Variants in GPC4 observed in about 807,000 individuals in gnomAD.
GPC4 encodes the protein glypican 4, also known as glypican-4.
Under a neutral mutation model 35.0 loss-of-function variants are expected in GPC4, and 10 were observed. The ratio of observed to expected loss-of-function variants is 0.29; its 90% CI spans 0.18 to 0.48. GPC4 has a LOEUF of 0.48. GPC4 is among the 20% of genes least tolerant of loss of function. The pLI, the probability that GPC4 is intolerant of heterozygous loss-of-function variation, is 0.99. For missense variants in GPC4, 322 were observed against 451.3 expected (o/e 0.71, Z 2.60); for synonymous variants, 167 against 170.2 (o/e 0.98, Z 0.15).
chrX:133,334,564 CTAG>C (rs2068434178), intron 2 of GPC4, among the ~76,000 whole-genome samples: 1 of 111,390 alleles, frequency 9.0e-6, no homozygotes, highest in Admixed American at 9.5e-5. Flanking sequence ...AGCAGCTGGT[CTAG>C]TCACATGTTT....
intron 1 of GPC4, among the ~76,000 whole-genome samples, chrX:133,361,356 T>A (rs1369828255): frequency 1.8e-5 from 2 of 112,202 alleles, no homozygotes; most frequent in Non-Finnish European, 3.8e-5. Context: ...AGCTGGTTCA[T>A]ATTACTAAAA....
intron 1 of GPC4, among the ~76,000 whole-genome samples, chrX:133,357,306 C>T (rs769397436): frequency 6.5e-5 from 7 of 107,513 alleles, no homozygotes; most frequent in African/African-American, 1.7e-4. Context: ...ATTGCCTGAG[C>T]CTGGGAGGTG....
At chrX:133,404,526 A>G (rs111878433) in intron 1 of GPC4, among the ~76,000 whole-genome samples, 32,237 of 89,821 alleles carry the variant, frequency 0.36, 6,573 homozygotes, top group African/African-American at 0.6. Context: ...CAGCCTGGGC[A>G]ATAGAGCAAG....
rs373647721 is a variant in GPC4 at position 133,361,699 on chromosome X, T to C, written c.161-22358A>G. 1.1e-4 allele frequency among the ~76,000 whole-genome samples: 12 copies of C among 111,706 alleles called. No individual in the cohort carries two copies. The East Asian group carries it at 2.8e-3, about 26-fold the overall frequency. The stretch of plus-strand genomic sequence containing the variant: ...AAATGTGTAAAGTGCTCCAGGGAAA[T>C]GAAATGATACAAAACCTGGGTAACC... On this transcript the variant is annotated intron_variant, in intron 1 of 8. Transcript: ENST00000370828.
At chrX:133,393,973 T>C (rs756478469) in intron 1 of GPC4, among the ~76,000 whole-genome samples, 2 of 111,463 alleles carry the variant, frequency 1.8e-5, no homozygotes, top group South Asian at 7.6e-4. Flanking sequence ...ATTTAAGCCA[T>C]ATAAAAACAT....
At chrX:133,362,942 G>A (rs940088438) in intron 1 of GPC4, among the ~76,000 whole-genome samples, 5 of 111,363 alleles carry the variant, frequency 4.5e-5, no homozygotes, top group African/African-American at 1.3e-4. Context: ...CCAGGCTGAC[G>A]GTAGAATGGG....
At chrX:133,339,802 G>A (rs2068458596) in intron 1 of GPC4, among the ~76,000 whole-genome samples, 1 of 111,701 alleles carries the variant, frequency 9.0e-6, no homozygotes, top group South Asian at 3.8e-4. Flanking sequence ...GCAAATACAT[G>A]TGCAATAGTT....
chrX:133,357,746 C>T (rs918478022), intron 1 of GPC4, among the ~76,000 whole-genome samples: 2 of 111,100 alleles, frequency 1.8e-5, no homozygotes, highest in Admixed American at 9.6e-5. Flanking sequence ...GAGACTAGTT[C>T]ATCTTCTGTA....
chrX:133,378,403 T>TA (rs953126725), intron 1 of GPC4, among the ~76,000 whole-genome samples: 3 of 107,525 alleles, frequency 2.8e-5, no homozygotes, highest in African/African-American at 6.8e-5. Flanking sequence ...CCATCTCTAC[T>TA]AAAAAAATAC....
chrX:133,377,889 C>A lies in GPC4; in HGVS notation c.160+36917G>T, dbSNP rs200690401. Reference sequence around the variant, plus strand: ...TACTTTTCTTTTTCTTTTTTTTTTTCTTTTTTTTTTTTTTTTTGCTTTTGA... The same window carrying A: ...TACTTTTCTTTTTCTTTTTTTTTTTATTTTTTTTTTTTTTTTTGCTTTTGA... On this transcript the variant is annotated intron_variant, in intron 1 of 8. Coordinates refer to ENST00000370828, the MANE Select transcript of GPC4 (RefSeq NM_001448.3). Among the ~76,000 whole-genome samples the A allele has an allele frequency of 1.1e-4, 8 of 72,767 alleles. No individual in the cohort carries two copies. The South Asian group carries it at 5.6e-3, about 51-fold the overall frequency. The allele number at this position is 72,767 out of a possible 115,157, so 63.2% of individuals were successfully genotyped here.
chrX:133,356,540 T>C (rs1348395206), intron 1 of GPC4, among the ~76,000 whole-genome samples: 2 of 111,504 alleles, frequency 1.8e-5, no homozygotes, highest in African/African-American at 6.5e-5. Context: ...CCACCACACC[T>C]GGCAGTGAAT....
chrX:133,358,662 T>C (rs995643473), intron 1 of GPC4, among the ~76,000 whole-genome samples: 1 of 112,078 alleles, frequency 8.9e-6, no homozygotes, highest in African/African-American at 3.2e-5. Context: ...AGAACAAAGA[T>C]GGAAATGACA....
At chrX:133,354,649 A>C (rs1387393888) in intron 1 of GPC4, among the ~76,000 whole-genome samples, 1 of 106,624 alleles carries the variant, frequency 9.4e-6, no homozygotes, top group Non-Finnish European at 1.9e-5. Flanking sequence ...GCTCACTGCA[A>C]GCTCCGCTTC....
intron 1 of GPC4, among the ~76,000 whole-genome samples, chrX:133,382,816 T>C (rs1427741634): frequency 8.9e-6 from 1 of 112,765 alleles, no homozygotes; most frequent in Non-Finnish European, 1.9e-5. Context: ...ACATGGTAAA[T>C]AAGCATGTGA....
intron 4 of GPC4, 26 bp downstream of exon 4, chrX:133,311,232 C>T: frequency 8.4e-7 from 1 of 1,197,602 alleles, no homozygotes; most frequent in Non-Finnish European, 1.1e-6. Flanking sequence ...TCTCCAGCAA[C>T]ACAAATATGT....
intron 1 of GPC4, among the ~76,000 whole-genome samples, chrX:133,405,201 C>T (rs1315439279): frequency 1.9e-5 from 2 of 107,029 alleles, no homozygotes; most frequent in Admixed American, 1.0e-4. Context: ...CTCCACCTCC[C>T]GGGTTCAACT....
At chrX:133,369,021 C>T (rs1012286003) in intron 1 of GPC4, among the ~76,000 whole-genome samples, 2 of 111,554 alleles carry the variant, frequency 1.8e-5, no homozygotes, top group African/African-American at 6.5e-5. Flanking sequence ...CTACTTTAAA[C>T]GTAAGAATCA....
Position 133,415,205 on chromosome X carries a change from G to A in GPC4, c.-240C>T, listed in dbSNP as rs2068833372. ...CGGGCCAGGGGAGAAGGAGGGCGTG[G>A]AGGCGGCGCGCGGCCCAGGGAAGCA... On this transcript the variant is annotated 5_prime_UTR_variant, in exon 1 of 9. Coordinates refer to ENST00000370828, the MANE Select transcript of GPC4 (RefSeq NM_001448.3). 1 of 377,115 alleles carries A rather than the reference G, an allele frequency of 2.7e-6. No homozygotes were observed. The highest frequency in any genetic ancestry group is 4.6e-5 in the Admixed American group (1 of 21,820). The allele number at this position is 377,115 out of a possible 1,213,427, so 31.1% of individuals were successfully genotyped here.
chrX:133,372,557 G>A (rs1184828850), intron 1 of GPC4, among the ~76,000 whole-genome samples: 5 of 111,390 alleles, frequency 4.5e-5, no homozygotes, highest in Admixed American at 9.6e-5. Context: ...ATGATTCAGA[G>A]GTTAAACTCA....
Sources: allele counts gnomAD v4.1 joint callset (sites outside exome capture counted in the v4.1 genomes callset), GRCh38; gene constraint gnomAD v4.1.1; transcripts MANE v1.5; gene names NCBI Gene and HGNC (gene_info 2026-07-23, HGNC 2026-07-21).